The following FSIP2 variants were observed in gnomAD, a reference collection of about 807,000 sequenced individuals.
FSIP2 encodes the protein fibrous sheath interacting protein 2.
Under a neutral mutation model 510.5 loss-of-function variants are expected in FSIP2, and 367 were observed. The observed-to-expected ratio is 0.72, with a 90% CI of 0.66 to 0.78. The LOEUF is 0.78. Ranked by LOEUF, FSIP2 falls within the 30% of genes least tolerant of loss-of-function variation. The pLI, the probability that FSIP2 is intolerant of heterozygous loss-of-function variation, is 0.00. For synonymous variants in FSIP2, 2,601 were observed against 2,732.2 expected (o/e 0.95, Z 1.50); for missense variants, 7,594 against 7,901.7 (o/e 0.96, Z 1.48).
chr2:185,756,531 T>A (rs949576405), intron 9 of FSIP2, among the ~76,000 whole-genome samples: 1 of 151,520 alleles, frequency 6.6e-6, no homozygotes, highest in Admixed American at 6.6e-5. Flanking sequence ...AAGGTTATGT[T>A]ACTATTAAAT....
chr2:185,813,507 G>A (rs750813431), intron 17 of FSIP2, 38 bp from the exon 18 acceptor site: 8 of 1,298,284 alleles, frequency 6.2e-6, no homozygotes, highest in Non-Finnish European at 8.2e-6. Flanking sequence ...AGTGATTTAG[G>A]CATTTGATTT....
At position 185,791,969 on chromosome 2, in the gene FSIP2, TAAGAA is replaced by T; in HGVS notation, c.4837_4841del (p.Lys1613GlnfsTer2). ...TTTTGGGTGCTATTAATGATGGAAA[TAAGAA>T]AAGCAATAAGATAGGCTGGGAATAT... On this transcript the variant is annotated frameshift_variant, in exon 16 of 23. Transcript: ENST00000424728. LOFTEE classifies it high-confidence loss of function. 2 of 1,533,640 alleles carry T rather than the reference TAAGAA, an allele frequency of 1.3e-6. No individual in the cohort carries two copies. Among genetic ancestry groups the T allele is most frequent in the Non-Finnish European group, 1.7e-6 (2 of 1,145,236 alleles).
In FSIP2 at chr2:185,746,546, A is replaced by C. The variant is rs1210943259; in HGVS notation, c.618-123A>C. On this transcript the variant is annotated intron_variant, in intron 5 of 22. Coordinates refer to ENST00000424728, the MANE Select transcript of FSIP2 (RefSeq NM_173651.4). Reference sequence around the variant, plus strand: ...AAACAGGACTGACAGAAAAACAGTAAAATTCTTGTAGTTCAAGAAATGAAA... The same window carrying C: ...AAACAGGACTGACAGAAAAACAGTACAATTCTTGTAGTTCAAGAAATGAAA... 4.2e-6 allele frequency: 3 copies of C among 713,050 alleles called. No individual in the cohort carries two copies. In the East Asian group the frequency reaches 8.3e-5, roughly 20 times the overall value. The allele number at this position is 713,050 out of a possible 1,614,324, so 44.2% of individuals were successfully genotyped here. A position where few individuals can be genotyped will look rare whatever the true frequency, so the allele number is the denominator to read the frequency against.
chr2:185,819,696 T>C (rs1405086981), intron 19 of FSIP2, among the ~76,000 whole-genome samples: 2 of 151,926 alleles, frequency 1.3e-5, no homozygotes, highest in Non-Finnish European at 2.9e-5. Context: ...CCATATTCAA[T>C]ATATTATATG....
upstream of FSIP2, chr2:185,738,361 C>T (rs1016863323): frequency 1.4e-4 from 67 of 483,638 alleles, no homozygotes; most frequent in Non-Finnish European, 2.4e-4. Context: ...ACCTAGGGGA[C>T]AGAAGAGGCA....
In FSIP2 at chr2:185,794,361, AT is replaced by A; in HGVS notation, c.7228del (p.Cys2410ValfsTer13). ...AGATGATAAAAGATCTGTAAAGGAA[AT>A]TTGTTTTAATTCAAAAGAAAATTCT... ...MLDDKRSVKE[I>X]CFNSKENSNF... On this transcript the variant is annotated frameshift_variant, in exon 16 of 23. Coordinates refer to ENST00000424728, the MANE Select transcript of FSIP2 (RefSeq NM_173651.4). LOFTEE classifies it high-confidence loss of function. 2.6e-6 allele frequency: 4 copies of A among 1,516,304 alleles called. No homozygotes were observed. Among genetic ancestry groups the A allele is most frequent in the Non-Finnish European group, 3.5e-6 (4 of 1,138,322 alleles). 93.9% of individuals were successfully genotyped at this position (1,516,304 alleles called of 1,614,324 possible).
Position 185,749,335 on chromosome 2 carries a change from T to A in FSIP2, c.870+1912T>A, listed in dbSNP as rs13429390. 1.3e-5 allele frequency among the ~76,000 whole-genome samples: 2 copies of A among 151,924 alleles called. 1 individual carries two copies. The highest frequency in any genetic ancestry group is 4.8e-5 in the African/African-American group (2 of 41,402). On this transcript the variant is annotated intron_variant, in intron 7 of 22. Coordinates refer to ENST00000424728, the MANE Select transcript of FSIP2 (RefSeq NM_173651.4). ...TTCTTAATTTCTCTTAACAGTGCTA[T>A]GTAGTTTGCAGTGTACTGTTCTTAT...
chr2:185,780,428 T>C (rs2105592243), intron 13 of FSIP2, among the ~76,000 whole-genome samples: 2 of 151,796 alleles, frequency 1.3e-5, no homozygotes, highest in South Asian at 4.1e-4. Context: ...TTTTTCTATA[T>C]AGTTTATTAT....
intron 13 of FSIP2, among the ~76,000 whole-genome samples, chr2:185,777,959 AAAAT>A (rs1337621272): frequency 2.0e-5 from 3 of 150,558 alleles, no homozygotes; most frequent in East Asian, 1.9e-4. Context: ...AGTCACTGTT[AAAAT>A]AAATAACCTA....
chr2:185,739,364 T>A lies in FSIP2; in HGVS notation c.118T>A (p.Phe40Ile). Residue 40 changes from phenylalanine to isoleucine, a missense_variant, in exon 2 of 23, where the codon TTT (phenylalanine) becomes ATT (isoleucine). Phe to Ile is a conservative substitution (Grantham distance 21, BLOSUM62 0). Coordinates refer to ENST00000424728, the MANE Select transcript of FSIP2 (RefSeq NM_173651.4). ...QCRDGVHKTH[F>I]AGVGPAQLLD... ...CTGACAGGGCGTGCACAAAACCCAC[T>A]TTGCAGGGGTTGGACCGGCTCAGCT... 1 of 1,531,194 alleles carries A rather than the reference T, an allele frequency of 6.5e-7. No individual in the cohort carries two copies. Among genetic ancestry groups the A allele is most frequent in the Non-Finnish European group, 8.7e-7 (1 of 1,145,400 alleles). 94.9% of individuals were successfully genotyped at this position (1,531,194 alleles called of 1,614,324 possible). A position where few individuals can be genotyped will look rare whatever the true frequency, so the allele number is the denominator to read the frequency against.
chr2:185,753,658 G>T (rs893665372), intron 7 of FSIP2, 64 bp from the exon 8 acceptor site: 6 of 710,932 alleles, frequency 8.4e-6, no homozygotes, highest in South Asian at 2.5e-5. Flanking sequence ...CATTTTAAAT[G>T]ATTTGTTTTA....
chr2:185,796,591 C>A lies in FSIP2; in HGVS notation c.9455C>A (p.Ala3152Asp). 1.3e-6 allele frequency: 2 copies of A among 1,535,022 alleles called. No homozygotes were observed. Among genetic ancestry groups the A allele is most frequent in the Non-Finnish European group, 1.7e-6 (2 of 1,146,224 alleles). The change falls in exon 16 of 23, where the codon GCC becomes GAC. Residue 3152 changes from alanine (A) to aspartate (D), a missense_variant. Physicochemically the swap from Ala to Asp is moderately radical, Grantham distance 126. Transcript: ENST00000424728. ...AGTTTGTTCCAAGGAGCTGAAAATG[C>A]CTACACTGTTAATCAGGTTGAATTA... ...RESLFQGAEN[A>D]YTVNQVELAT...
At chr2:185,814,805 C>A (rs1574204016) in intron 18 of FSIP2, among the ~76,000 whole-genome samples, 1 of 151,800 alleles carries the variant, frequency 6.6e-6, no homozygotes, top group Non-Finnish European at 1.5e-5. Flanking sequence ...AATTCCATAC[C>A]ATAACATGTT....
chr2:185,827,427 G>C (rs1296811362), intron 20 of FSIP2, among the ~76,000 whole-genome samples: 5 of 151,806 alleles, frequency 3.3e-5, no homozygotes, highest in African/African-American at 1.2e-4. Flanking sequence ...TGAGAAAACA[G>C]AGTCAGAGAA....
intron 13 of FSIP2, among the ~76,000 whole-genome samples, chr2:185,771,170 G>A (rs1307118422): frequency 6.6e-6 from 1 of 152,192 alleles, no homozygotes; most frequent in African/African-American, 2.4e-5. Context: ...CCCATGCTGA[G>A]GTGGCAAGCT....
At chr2:185,832,748 T>TTA (rs1237707811) in intron 22 of FSIP2, among the ~76,000 whole-genome samples, 1 of 151,886 alleles carries the variant, frequency 6.6e-6, no homozygotes, top group African/African-American at 2.4e-5. Context: ...AATGGAAAAT[T>TTA]TACTCAAAGT....
At chr2:185,780,705 T>G (rs560683055) in intron 13 of FSIP2, among the ~76,000 whole-genome samples, 1 of 152,172 alleles carries the variant, frequency 6.6e-6, no homozygotes, top group Admixed American at 6.5e-5. Flanking sequence ...TTGTTTTTCT[T>G]TTTTTATATT....
In FSIP2 at chr2:185,793,902, A is replaced by G. The variant is rs1252867310; in HGVS notation, c.6766A>G (p.Thr2256Ala). ...GGAAAATGCTAACTTCATTACTAAAACTATTTTTAAACGTTTGGAATCTTT... is the reference window on the plus strand; with the variant it reads ...GGAAAATGCTAACTTCATTACTAAAGCTATTTTTAAACGTTTGGAATCTTT... ...CEENANFITK[T>A]IFKRLESFAT... Residue 2256 changes from threonine (T) to alanine (A), a missense_variant, in exon 16 of 23, where the codon ACT becomes GCT. By Grantham distance (58) the Thr-to-Ala change is moderately conservative. Coordinates refer to ENST00000424728, the MANE Select transcript of FSIP2 (RefSeq NM_173651.4). 3 of 1,527,186 alleles carry G rather than the reference A, an allele frequency of 2.0e-6. No individual in the cohort carries two copies. The East Asian group carries it at 7.4e-5, about 37-fold the overall frequency. 94.6% of individuals were successfully genotyped at this position (1,527,186 alleles called of 1,614,324 possible).
intron 13 of FSIP2, among the ~76,000 whole-genome samples, chr2:185,780,239 C>T (rs1692816728): frequency 6.6e-6 from 1 of 151,814 alleles, no homozygotes; most frequent in Admixed American, 6.6e-5. Flanking sequence ...AAGCTTCAGC[C>T]ATTTCCTCTT....
Sources: allele counts gnomAD v4.1 joint callset (sites outside exome capture counted in the v4.1 genomes callset), GRCh38; gene constraint gnomAD v4.1.1; transcripts MANE v1.5; gene names NCBI Gene and HGNC (gene_info 2026-07-23, HGNC 2026-07-21).